MYO7A: variants seen among roughly 807,000 people sequenced by gnomAD.
MYO7A encodes the protein myosin VIIA.
MYO7A carries 210 observed loss-of-function variants against 263.8 expected under a neutral mutation model. That is an observed-to-expected ratio of 0.80 (90% CI 0.71 to 0.89). MYO7A has a LOEUF of 0.89. Ranked by LOEUF, MYO7A falls within the 40% of genes least tolerant of loss-of-function variation. The pLI is 0.00. For missense variants in MYO7A, 2,820 were observed against 2,968.3 expected (o/e 0.95, Z 1.16); for synonymous variants, 1,239 against 1,197.3 (o/e 1.03, Z -0.72).
Position 77,214,838 on chromosome 11 carries a change from A to G in MYO7A, c.*142A>G, listed in dbSNP as rs369873505. ...TGGCCAGCCACCACTGACTATACCA[A>G]CTGGGCCTCTGATGTTCTTCCAGTG... On this transcript the variant is annotated 3_prime_UTR_variant, in exon 49 of 49. Transcript: ENST00000409709. The G allele has an allele frequency of 7.1e-5, 45 of 636,368 alleles. No homozygotes were observed. Among genetic ancestry groups the G allele is most frequent in the Non-Finnish European group, 1.0e-4 (37 of 368,732 alleles). The allele number at this position is 636,368 out of a possible 1,614,324, so 39.4% of individuals were successfully genotyped here. A position where few individuals can be genotyped will look rare whatever the true frequency, so the allele number is the denominator to read the frequency against.
chr11:77,137,718 C>A (rs1216093657), intron 2 of MYO7A, among the ~76,000 whole-genome samples: 2 of 152,088 alleles, frequency 1.3e-5, no homozygotes, highest in Non-Finnish European at 2.9e-5. Context: ...CTGGGGAGTT[C>A]AGGGGACCCC....
At chr11:77,175,318 G>A (rs2135429293) in intron 17 of MYO7A, 54 bp from the exon 18 acceptor site, 1 of 1,538,342 alleles carries the variant, frequency 6.5e-7, no homozygotes, top group Admixed American at 1.7e-5. Flanking sequence ...CACTCCGGAG[G>A]CCTTCCCACT....
intron 2 of MYO7A, among the ~76,000 whole-genome samples, chr11:77,131,288 G>A (rs915688950): frequency 2.0e-5 from 3 of 152,218 alleles, no homozygotes; most frequent in Non-Finnish European, 4.4e-5. Context: ...GGGCTTGTGG[G>A]GCTGTGCATT....
chr11:77,167,427 G>C (rs1953656431), intron 15 of MYO7A, among the ~76,000 whole-genome samples: 1 of 152,174 alleles, frequency 6.6e-6, no homozygotes, highest in South Asian at 2.1e-4. Context: ...GCATTTTGCA[G>C]ATGAGAGACT....
chr11:77,167,283 A>G (rs1212983473), intron 15 of MYO7A, among the ~76,000 whole-genome samples: 8 of 152,090 alleles, frequency 5.3e-5, no homozygotes, highest in Non-Finnish European at 7.4e-5. Flanking sequence ...GGGGACTCGA[A>G]CGCAGGTCTC....
intron 33 of MYO7A, among the ~76,000 whole-genome samples, chr11:77,197,934 T>C (rs1164133676): frequency 4.6e-5 from 5 of 109,092 alleles, no homozygotes; most frequent in Non-Finnish European, 8.3e-5. Flanking sequence ...ACATCTTCTG[T>C]GCTCAGTGGT....
Position 77,145,095 on chromosome 11 carries a change from G to A in MYO7A, c.132+2273G>A, listed in dbSNP as rs150262658. ...CCACGCAGGAAACAGTGGGAGCGGT[G>A]CAGCTACTGGGCAAGTCATTTTACC... On this transcript the variant is annotated intron_variant, in intron 3 of 48. Coordinates refer to ENST00000409709, the MANE Select transcript of MYO7A (RefSeq NM_000260.4). Among the ~76,000 whole-genome samples, 15 of 152,322 alleles carry A rather than the reference G, an allele frequency of 9.8e-5. No individual in the cohort carries two copies. In the East Asian group the frequency reaches 2.9e-3, roughly 29 times the overall value.
At position 77,202,459 on chromosome 11, in the gene MYO7A, G is replaced by C. The variant is rs1319739431; in HGVS notation, c.5168+35G>C. 2.6e-6 allele frequency: 4 copies of C among 1,542,978 alleles called. No homozygotes were observed. In the Admixed American group the frequency reaches 7.9e-5, roughly 30 times the overall value. ...CCTGGGGAAGGATGGGAGCCACAGG[G>C]CTAGGAGCTGCAGGCTTCCGCTACT... On this transcript the variant is annotated intron_variant, in intron 37 of 48. Transcript: ENST00000409709.
chr11:77,153,659 G>A (rs1476563352), intron 4 of MYO7A, among the ~76,000 whole-genome samples: 2 of 152,176 alleles, frequency 1.3e-5, no homozygotes, highest in Non-Finnish European at 2.9e-5. Context: ...GTCTGAAACG[G>A]CCTCTGCCTC....
intron 4 of MYO7A, among the ~76,000 whole-genome samples, chr11:77,153,217 G>T (rs1046302004): frequency 6.6e-6 from 1 of 152,138 alleles, no homozygotes; most frequent in African/African-American, 2.4e-5. Context: ...GCCTGGCCAG[G>T]GAGGCGGCAT....
In MYO7A at chr11:77,171,166, C is replaced by T. The variant is rs571453445; in HGVS notation, c.1798-1582C>T. 1.2e-4 allele frequency among the ~76,000 whole-genome samples: 19 copies of T among 152,326 alleles called. 1 individual carries two copies. The highest frequency in any genetic ancestry group is 3.1e-4 in the African/African-American group (13 of 41,572). ...ATGACCAAGACCAAAGAAGGGTGTGCGTGCGCGTGTGTGTACACGCGGTGG... is the reference window on the plus strand; with the variant it reads ...ATGACCAAGACCAAAGAAGGGTGTGTGTGCGCGTGTGTGTACACGCGGTGG... On this transcript the variant is annotated intron_variant, in intron 15 of 48. Transcript: ENST00000409709.
intron 9 of MYO7A, among the ~76,000 whole-genome samples, 156 bp from the exon 10 acceptor site, chr11:77,159,291 T>C (rs1287773281): frequency 6.6e-6 from 1 of 152,178 alleles, no homozygotes; most frequent in Non-Finnish European, 1.5e-5. Flanking sequence ...CAAATACACC[T>C]TGACCTGGGG....
At chr11:77,179,159 A>C (rs1555082191) in intron 20 of MYO7A, 30 bp downstream of exon 20, 2 of 1,563,776 alleles carry the variant, frequency 1.3e-6, no homozygotes, top group Non-Finnish European at 1.7e-6. Flanking sequence ...GCTCTTGCCC[A>C]AACAGGCCTT....
chr11:77,155,207 C>G (rs1372980639), intron 4 of MYO7A, among the ~76,000 whole-genome samples: 1 of 152,226 alleles, frequency 6.6e-6, no homozygotes, highest in African/African-American at 2.4e-5. Flanking sequence ...CAACAGGAAG[C>G]CTTGCCTACA....
chr11:77,175,070 T>A (rs1954512738), intron 17 of MYO7A, among the ~76,000 whole-genome samples, 156 bp downstream of exon 17: 1 of 152,124 alleles, frequency 6.6e-6, no homozygotes, highest in African/African-American at 2.4e-5. Context: ...TTGGAATGCA[T>A]CAGTGGGCTT....
chr11:77,179,204 G>A, intron 20 of MYO7A, 75 bp downstream of exon 20: 1 of 1,337,122 alleles, frequency 7.5e-7, no homozygotes. Context: ...AGTGGGACTG[G>A]CCTGCACCCA....
intron 42 of MYO7A, among the ~76,000 whole-genome samples, chr11:77,207,946 C>T (rs915542865): frequency 5.9e-5 from 9 of 152,210 alleles, no homozygotes; most frequent in African/African-American, 9.6e-5. Context: ...GACCCCTCCA[C>T]GGGAAGGCCT....
At chr11:77,170,701 C>T (rs1954008923) in intron 15 of MYO7A, among the ~76,000 whole-genome samples, 1 of 152,146 alleles carries the variant, frequency 6.6e-6, no homozygotes, top group Admixed American at 6.5e-5. Flanking sequence ...TCTTCACTAA[C>T]TCCCCAGTCC....
chr11:77,180,030 G>A, intron 21 of MYO7A, 77 bp downstream of exon 21: 16 of 1,415,908 alleles, frequency 1.1e-5, no homozygotes, highest in Non-Finnish European at 1.4e-5. Context: ...TCAGGTGTTG[G>A]CCAGGAAGTG....
Sources: allele counts gnomAD v4.1 joint callset (sites outside exome capture counted in the v4.1 genomes callset), GRCh38; gene constraint gnomAD v4.1.1; transcripts MANE v1.5; gene names NCBI Gene and HGNC (gene_info 2026-07-23, HGNC 2026-07-21).